Variants in PPM1G observed in about 807,000 individuals in gnomAD.
The protein encoded by PPM1G is protein phosphatase 1G.
A neutral mutation model predicts 59.4 loss-of-function variants in PPM1G; 12 were observed. The ratio of observed to expected loss-of-function variants is 0.20; its 90% CI spans 0.13 to 0.33. The LOEUF is 0.33. PPM1G is among the 10% of genes least tolerant of loss of function. The pLI is 1.00. For synonymous variants in PPM1G, 245 were observed against 251.9 expected (o/e 0.97, Z 0.26); for missense variants, 392 against 681.3 (o/e 0.58, Z 4.73).
intron 1 of PPM1G, among the ~76,000 whole-genome samples, chr2:27,395,507 C>T (rs2148424074): frequency 6.6e-6 from 1 of 151,750 alleles, no homozygotes; most frequent in South Asian, 2.1e-4. Flanking sequence ...CCAGCCTGGG[C>T]AATAGAGTGA....
In PPM1G at chr2:27,392,926, T is replaced by G. The variant is rs908318408; in HGVS notation, c.121-5768A>C. ...GGCCTTCACTTGTTCATTCAGGTAA[T>G]GTGTCTCAATGAAGTCACACAAATG... On this transcript the variant is annotated intron_variant, in intron 1 of 9. Transcript: ENST00000344034. 2.1e-5 allele frequency: 30 copies of G among 1,415,090 alleles called. No individual in the cohort carries two copies. The African/African-American group carries it at 3.8e-4, about 18-fold the overall frequency. The allele number at this position is 1,415,090 out of a possible 1,614,324, so 87.7% of individuals were successfully genotyped here. A position where few individuals can be genotyped will look rare whatever the true frequency, so the allele number is the denominator to read the frequency against.
intron 1 of PPM1G, among the ~76,000 whole-genome samples, chr2:27,391,550 T>TA (rs1488048961): frequency 1.3e-5 from 2 of 152,192 alleles, no homozygotes; most frequent in Non-Finnish European, 2.9e-5. Context: ...TTAGGTTCCT[T>TA]ATAGATTTTG....
chr2:27,387,365 G>GA lies in PPM1G; in HGVS notation c.121-208dup, dbSNP rs375105755. ...AAAGGGGAAGGAGAAAAGGAAGAAAGAATCAGGTTACTACCTCTATAATAA... is the reference window on the plus strand; with the variant it reads ...AAAGGGGAAGGAGAAAAGGAAGAAAGAAATCAGGTTACTACCTCTATAATAA... On this transcript the variant is annotated intron_variant, in intron 1 of 9. Coordinates refer to ENST00000344034, the MANE Select transcript of PPM1G (RefSeq NM_177983.3). 1.1e-3 allele frequency among the ~76,000 whole-genome samples: 166 copies of GA among 152,234 alleles called. 1 individual carries two copies. The highest frequency in any genetic ancestry group is 3.8e-3 in the African/African-American group (159 of 41,544).
chr2:27,389,729 G>A (rs1332395116), intron 1 of PPM1G, among the ~76,000 whole-genome samples: 1 of 152,118 alleles, frequency 6.6e-6, no homozygotes, highest in South Asian at 2.1e-4. Flanking sequence ...CTCTGGGAAG[G>A]TAGGCAGGAG....
At chr2:27,394,789 T>C (rs1364729426) in intron 1 of PPM1G, among the ~76,000 whole-genome samples, 1 of 150,782 alleles carries the variant, frequency 6.6e-6, no homozygotes, top group East Asian at 1.9e-4. Context: ...TGGAATGATA[T>C]TTCATTTTCC....
At chr2:27,393,506 G>A in intron 1 of PPM1G, 2 of 708,672 alleles carry the variant, frequency 2.8e-6, no homozygotes, top group South Asian at 3.0e-5. Flanking sequence ...CCGGGGTGCA[G>A]GACGAGCGCC....
In PPM1G at chr2:27,384,823, G is replaced by C; in HGVS notation, c.675C>G (p.Gly225=). 1.2e-6 allele frequency: 2 copies of C among 1,614,218 alleles called. No individual in the cohort carries two copies. The highest frequency in any genetic ancestry group is 1.7e-6 in the Non-Finnish European group (2 of 1,180,044). ...SSNSERGTEA[G]QVGEPGIPTG... Reference sequence around the variant, plus strand: ...TGGGAATGCCAGGCTCACCAACTTGGCCTGCCTCAGTCCCACGTTCCGAGT... The same window carrying C: ...TGGGAATGCCAGGCTCACCAACTTGCCCTGCCTCAGTCCCACGTTCCGAGT... Residue 225 remains glycine (G), a synonymous_variant, in exon 5 of 10, where the codon GGC becomes GGG. Coordinates refer to ENST00000344034, the MANE Select transcript of PPM1G (RefSeq NM_177983.3). The surrounding 1 kb of genome is among the most constrained non-coding windows in gnomAD (Gnocchi z 4.8).
In PPM1G at chr2:27,384,511, T is replaced by G. The variant is rs1365122314; in HGVS notation, c.825+162A>C. Among the ~76,000 whole-genome samples, 1 of 152,138 alleles carries G rather than the reference T, an allele frequency of 6.6e-6. No individual in the cohort carries two copies. The highest frequency in any genetic ancestry group is 1.9e-4 in the East Asian group (1 of 5,196). On this transcript the variant is annotated intron_variant, in intron 5 of 9. Transcript: ENST00000344034. This position sits in a 1 kb window ranked among gnomAD's most constrained non-coding sequence, Gnocchi z 4.8. ...GAGGTAAAAAGGCAAATGGTACCTGTGATGATGGAGCTCAATGAATTCAAG... is the reference window on the plus strand; with the variant it reads ...GAGGTAAAAAGGCAAATGGTACCTGGGATGATGGAGCTCAATGAATTCAAG...
intron 1 of PPM1G, among the ~76,000 whole-genome samples, chr2:27,387,507 C>CTT (rs886996683): frequency 6.8e-6 from 1 of 147,160 alleles, no homozygotes; most frequent in South Asian, 2.1e-4. Context: ...ATTTTTTCTT[C>CTT]TTTTTTTTTT....
At position 27,389,375 on chromosome 2, in the gene PPM1G, G is replaced by A. The variant is rs17006049; in HGVS notation, c.121-2217C>T. The stretch of plus-strand genomic sequence containing the variant: ...AATAAAGATTCGTCTTACACCTTGA[G>A]GTCTCAGTCCTGAGAACTATCGCAC... On this transcript the variant is annotated intron_variant, in intron 1 of 9. Coordinates refer to ENST00000344034, the MANE Select transcript of PPM1G (RefSeq NM_177983.3). Among the ~76,000 whole-genome samples, 494 of 151,982 alleles carry A rather than the reference G, an allele frequency of 3.3e-3. 27 individuals are homozygous for A. In the East Asian group the frequency reaches 0.079, roughly 24 times the overall value.
chr2:27,409,578 G>A lies in PPM1G; in HGVS notation c.-156C>T, dbSNP rs894021995. The A allele has an allele frequency of 3.7e-5, 36 of 983,642 alleles. No individual in the cohort carries two copies. Among genetic ancestry groups the A allele is most frequent in the Admixed American group, 1.3e-4 (3 of 22,812 alleles). The allele number at this position is 983,642 out of a possible 1,614,324, so 60.9% of individuals were successfully genotyped here. On this transcript the variant is annotated 5_prime_UTR_variant, in exon 1 of 10. Transcript: ENST00000344034. ...GCGAGGCCGGCCAGGAGGCGGTAACGGGACGGGAGCTGTGAGGGAGCGGAA... is the reference window on the plus strand; with the variant it reads ...GCGAGGCCGGCCAGGAGGCGGTAACAGGACGGGAGCTGTGAGGGAGCGGAA...
Position 27,385,282 on chromosome 2 carries a change from CA to C in PPM1G, c.410-195del. 1 of 582,490 alleles carries C rather than the reference CA, an allele frequency of 1.7e-6. No individual in the cohort carries two copies. Among genetic ancestry groups the C allele is most frequent in the Non-Finnish European group, 2.9e-6 (1 of 347,106 alleles). 36.1% of individuals were successfully genotyped at this position (582,490 alleles called of 1,614,324 possible). On this transcript the variant is annotated intron_variant, in intron 4 of 9. Coordinates refer to ENST00000344034, the MANE Select transcript of PPM1G (RefSeq NM_177983.3). The surrounding 1 kb of genome is among the most constrained non-coding windows in gnomAD (Gnocchi z 4.1). ...CAGACTTCTTTTGGTTTTTGTGTTT[CA>C]TCCCCTTCTTAATCAAAACAACACT...
At position 27,381,698 on chromosome 2, in the gene PPM1G, C is replaced by G; in HGVS notation, c.1542G>C (p.Gln514His). The G allele has an allele frequency of 1.2e-6, 2 of 1,614,044 alleles. No homozygotes were observed. Among genetic ancestry groups the G allele is most frequent in the Non-Finnish European group, 1.7e-6 (2 of 1,180,010 alleles). ...CFKPRNTAEL[Q>H]PESGKRKLEE... Reference sequence around the variant, plus strand: ...CTAGTTTTCGCTTGCCACTCTCTGGCTGGAGCTCTGCTGTGTTTCGGGGCT... The same window carrying G: ...CTAGTTTTCGCTTGCCACTCTCTGGGTGGAGCTCTGCTGTGTTTCGGGGCT... Residue 514 changes from glutamine (Q) to histidine (H), a missense_variant, in exon 10 of 10, where the codon CAG becomes CAC. Transcript: ENST00000344034.
At chr2:27,392,996 AC>A in intron 1 of PPM1G, 1 of 1,521,868 alleles carries the variant, frequency 6.6e-7, no homozygotes, top group Non-Finnish European at 9.0e-7. Flanking sequence ...TCCAGTAGTG[AC>A]TGATTCACAT....
intron 1 of PPM1G, chr2:27,393,515 C>A: frequency 1.4e-6 from 1 of 704,044 alleles, no homozygotes; most frequent in Non-Finnish European, 2.6e-6. Flanking sequence ...AGGACGAGCG[C>A]CGGGTTCCGT....
chr2:27,398,199 C>A (rs1458348800), intron 1 of PPM1G, among the ~76,000 whole-genome samples: 1 of 152,146 alleles, frequency 6.6e-6, no homozygotes, highest in Non-Finnish European at 1.5e-5. Flanking sequence ...AGAAATAAAA[C>A]CCTCACATTT....
chr2:27,386,876 C>A, intron 2 of PPM1G: 1 of 431,514 alleles, frequency 2.3e-6, no homozygotes, highest in Non-Finnish European at 4.1e-6. Context: ...AAGATAGAGG[C>A]TCTTTGGATT....
chr2:27,384,117 G>T lies in PPM1G; in HGVS notation c.826-25C>A. 6.2e-7 allele frequency: 1 copy of T among 1,613,742 alleles called. No individual in the cohort carries two copies. Among genetic ancestry groups the T allele is most frequent in the African/African-American group, 1.3e-5 (1 of 75,016 alleles). On this transcript the variant is annotated intron_variant, in intron 5 of 9. Coordinates refer to ENST00000344034, the MANE Select transcript of PPM1G (RefSeq NM_177983.3). The surrounding 1 kb of genome is among the most constrained non-coding windows in gnomAD (Gnocchi z 4.8). ...CCTGCCAGGGGGAGGATCCCAGACTGCTGAGACTGGGATGATCCCCTCCCT... is the reference window on the plus strand; with the variant it reads ...CCTGCCAGGGGGAGGATCCCAGACTTCTGAGACTGGGATGATCCCCTCCCT...
chr2:27,397,160 T>A (rs1244849655), intron 1 of PPM1G, among the ~76,000 whole-genome samples: 1 of 151,998 alleles, frequency 6.6e-6, no homozygotes, highest in Non-Finnish European at 1.5e-5. Flanking sequence ...TGAGCCACCA[T>A]GCCCAGCCAC....
Sources: allele counts gnomAD v4.1 joint callset (sites outside exome capture counted in the v4.1 genomes callset), GRCh38; gene constraint gnomAD v4.1.1; non-coding constraint Gnocchi (gnomAD v3.1); transcripts MANE v1.5; gene names NCBI Gene and HGNC (gene_info 2026-07-23, HGNC 2026-07-21).